TUBGCP4: variants seen among roughly 807,000 people sequenced by gnomAD.
TUBGCP4 encodes gamma-tubulin complex component 4.
A neutral mutation model predicts 91.6 loss-of-function variants in TUBGCP4; 54 were observed. The ratio of observed to expected loss-of-function variants is 0.59; its 90% CI spans 0.47 to 0.74. The LOEUF is 0.74. Among genes scored for constraint, TUBGCP4 ranks in the 30% least tolerant of loss-of-function variants. The probability of loss-of-function intolerance (pLI) is 0.00; values close to 1 mark genes in which losing one functional copy is unlikely to be tolerated. For synonymous variants in TUBGCP4, 297 were observed against 302.8 expected, an observed-to-expected ratio of 0.98 and a Z score of 0.20; for missense variants, 593 against 800.9, an observed-to-expected ratio of 0.74 and a Z score of 3.13.
intron 1 of TUBGCP4, among the ~76,000 whole-genome samples, chr15:43,372,421 A>G (rs1051254967): frequency 6.6e-6 from 1 of 151,608 alleles, no homozygotes; most frequent in Admixed American, 6.6e-5. Flanking sequence ...TGAATTTTTG[A>G]AAAAAACAGG....
chr15:43,395,777 C>A (rs2044570784), intron 11 of TUBGCP4, 89 bp downstream of exon 11: 1 of 1,035,060 alleles, frequency 9.7e-7, no homozygotes. Flanking sequence ...GCCTGCTCCA[C>A]ATAAGAGCAG....
At chr15:43,380,706 T>C (rs2044273549) in intron 6 of TUBGCP4, among the ~76,000 whole-genome samples, 2 of 152,248 alleles carry the variant, frequency 1.3e-5, no homozygotes, top group Non-Finnish European at 1.5e-5. Context: ...ATATATTCAC[T>C]TGATAGACTA....
intron 1 of TUBGCP4, among the ~76,000 whole-genome samples, chr15:43,375,343 A>G (rs1455428110): frequency 6.6e-6 from 1 of 152,240 alleles, no homozygotes; most frequent in Non-Finnish European, 1.5e-5. Context: ...TGGTTGCACA[A>G]CAGTGTGAAT....
intron 9 of TUBGCP4, 111 bp downstream of exon 9, chr15:43,386,441 T>C (rs370362877): frequency 1.7e-4 from 25 of 149,508 alleles, no homozygotes; most frequent in Admixed American, 1.3e-3. Flanking sequence ...ATTGAGTTAC[T>C]TGGTCGGGCG....
chr15:43,401,950 T>C (rs550266101), intron 15 of TUBGCP4, 100 bp downstream of exon 15: 4 of 1,449,390 alleles, frequency 2.8e-6, no homozygotes, highest in South Asian at 2.6e-5. Flanking sequence ...TAAGCAATTA[T>C]TCAAGTCCAT....
At chr15:43,394,076 TCTCA>T (rs1248739076) in intron 9 of TUBGCP4, 1 of 136,142 alleles carries the variant, frequency 7.3e-6, no homozygotes, top group Non-Finnish European at 1.5e-5. Flanking sequence ...ACAAATATTT[TCTCA>T]CTATTTTTTT....
In TUBGCP4 at chr15:43,386,228, A is replaced by G. The variant is rs1207873492; in HGVS notation, c.912A>G (p.Glu304=). ...TRKGSILKNQ[E]DTFAAELHRL... is the part of the protein sequence containing the mutation. ...CAGGATCCATTTTGAAAAACCAGGA[A>G]GACACTTTTGCTGCAGAGCTGCACC... The change falls in exon 9 of 18, where the codon GAA becomes GAG. Residue 304 remains glutamate (E), a synonymous_variant. Coordinates refer to ENST00000564079, the MANE Select transcript of TUBGCP4 (RefSeq NM_014444.5). 1 of 1,607,292 alleles carries G rather than the reference A, an allele frequency of 6.2e-7. No individual in the cohort carries two copies. The highest frequency in any genetic ancestry group is 1.1e-5 in the South Asian group (1 of 90,160).
At chr15:43,403,834 A>C in intron 16 of TUBGCP4, 35 bp downstream of exon 16, 1 of 1,525,986 alleles carries the variant, frequency 6.6e-7, no homozygotes. Context: ...CCTTGCCGAA[A>C]GGACAGAGGT....
At chr15:43,386,048 G>A in intron 8 of TUBGCP4, 92 bp downstream of exon 8, 1 of 1,540,612 alleles carries the variant, frequency 6.5e-7, no homozygotes, top group Non-Finnish European at 8.8e-7. Context: ...CAGAGCGAGT[G>A]GTCGATAATA....
chr15:43,391,888 T>TA (rs1282050668), intron 9 of TUBGCP4, among the ~76,000 whole-genome samples: 1 of 152,106 alleles, frequency 6.6e-6, no homozygotes, highest in Non-Finnish European at 1.5e-5. Flanking sequence ...CTGTCTCTAC[T>TA]AAAATAAACT....
Position 43,377,061 on chromosome 15 carries a change from A to G in TUBGCP4, c.378A>G (p.Leu126=). The change falls in exon 4 of 18, where the codon CTA becomes CTG. Residue 126 remains leucine, a synonymous_variant. Transcript: ENST00000564079. ...CCATATCACATGTCAACTACTTCCT[A>G]GACCAGGTATGCTGCCCAAATAACC... ...HLSISHVNYF[L]DQFQLLFPSV... is the part of the protein sequence containing the mutation. 1 of 1,613,430 alleles carries G rather than the reference A, an allele frequency of 6.2e-7. No homozygotes were observed. The highest frequency in any genetic ancestry group is 8.5e-7 in the Non-Finnish European group (1 of 1,179,338).
At chr15:43,379,938 T>G in intron 5 of TUBGCP4, 146 bp from the exon 6 acceptor site, 1 of 750,150 alleles carries the variant, frequency 1.3e-6, no homozygotes, top group Non-Finnish European at 2.3e-6. Flanking sequence ...GGTCCCTCTT[T>G]GAGAACCACT....
intron 13 of TUBGCP4, chr15:43,399,023 C>T (rs1157662955): frequency 1.0e-5 from 6 of 582,602 alleles, no homozygotes; most frequent in Non-Finnish European, 1.5e-5. Context: ...TGAAATTTCT[C>T]CAGTTATCTA....
chr15:43,402,121 G>GAA, intron 15 of TUBGCP4: 8 of 244,288 alleles, frequency 3.3e-5, no homozygotes, highest in South Asian at 1.2e-4. Flanking sequence ...AAATACAGAA[G>GAA]AAAAAAAAAA....
intron 15 of TUBGCP4, 192 bp from the exon 16 acceptor site, chr15:43,403,491 G>C (rs1595503790): frequency 1.8e-6 from 1 of 549,366 alleles, no homozygotes; most frequent in East Asian, 3.1e-5. Context: ...AGCCAGGAAA[G>C]GATGCATTTG....
At chr15:43,403,654 T>A (rs371708001) in intron 15 of TUBGCP4, 29 bp from the exon 16 acceptor site, 1 of 1,526,056 alleles carries the variant, frequency 6.6e-7, no homozygotes, top group Non-Finnish European at 9.1e-7. Context: ...TTCCTTCCTT[T>A]CCTAATGCCA....
Position 43,377,885 on chromosome 15 carries a change from A to G in TUBGCP4, c.423A>G (p.Glu141=), listed in dbSNP as rs762435567. 1 of 1,606,626 alleles carries G rather than the reference A, an allele frequency of 6.2e-7. No homozygotes were observed. Residue 141 remains glutamate (E), a synonymous_variant, in exon 5 of 18, where the codon GAA becomes GAG. Transcript: ENST00000564079. ...LLFPSVMVVV[E]QIKSQKIHGC... ...TTCCCTCTGTGATGGTTGTAGTAGAACAAATTAAAAGTCAAAAGGTGAGAA... is the reference window on the plus strand; with the variant it reads ...TTCCCTCTGTGATGGTTGTAGTAGAGCAAATTAAAAGTCAAAAGGTGAGAA...
At chr15:43,385,316 T>C (rs1405036253) in intron 7 of TUBGCP4, 1 of 455,126 alleles carries the variant, frequency 2.2e-6, no homozygotes, top group East Asian at 6.9e-5. Flanking sequence ...GCTTTTATGA[T>C]TGCAGAGAGG....
Position 43,405,417 on chromosome 15 carries a change from A to C in TUBGCP4, c.*203A>C, listed in dbSNP as rs1484054630. 8.2e-6 allele frequency: 5 copies of C among 611,664 alleles called. No homozygotes were observed. The highest frequency in any genetic ancestry group is 1.5e-5 in the Non-Finnish European group (5 of 344,138). The allele number at this position is 611,664 out of a possible 1,614,324, so 37.9% of individuals were successfully genotyped here. A position where few individuals can be genotyped will look rare whatever the true frequency, so the allele number is the denominator to read the frequency against. On this transcript the variant is annotated 3_prime_UTR_variant, in exon 18 of 18. Transcript: ENST00000564079. ...CCATGTGGAAGGGTCTCTCCCATCA[A>C]GGAGAACATGTGGCATCTCTGATCC...
Sources: gnomAD v4.1 joint callset for allele counts (sites outside exome capture counted in the v4.1 genomes callset) on GRCh38, gnomAD v4.1.1 for gene constraint, MANE v1.5 for transcripts, NCBI Gene and HGNC (gene_info 2026-07-23, HGNC 2026-07-21) for gene names.